The following TOPBP1 variants were observed in gnomAD, a reference collection of about 807,000 sequenced individuals.
TOPBP1 encodes the protein DNA topoisomerase 2-binding protein 1.
TOPBP1 carries 28 observed loss-of-function variants against 167.7 expected under a neutral mutation model. That is an observed-to-expected ratio of 0.17 (90% CI 0.12 to 0.23). TOPBP1 has a LOEUF of 0.23. TOPBP1 is among the 10% of genes least tolerant of loss of function. The pLI is 1.00. For missense variants in TOPBP1, 1,554 were observed against 1,809.6 expected (o/e 0.86, Z 2.56); for synonymous variants, 598 against 611.4 (o/e 0.98, Z 0.32).
chr3:133,630,497 C>T (rs879387936), intron 14 of TOPBP1, among the ~76,000 whole-genome samples: 4 of 151,878 alleles, frequency 2.6e-5, no homozygotes, highest in Admixed American at 2.0e-4. Flanking sequence ...AGGGTCTTGC[C>T]GTCTTTCCCA....
chr3:133,605,198 C>CA lies in TOPBP1; in HGVS notation c.4425+3336dup, dbSNP rs76623187. Among the ~76,000 whole-genome samples the CA allele has an allele frequency of 2.7e-3, 286 of 104,588 alleles. 2 individuals carry two copies. The highest frequency in any genetic ancestry group is 3.6e-3 in the South Asian group (11 of 3,034). 68.6% of individuals were successfully genotyped at this position (104,588 alleles called of 152,430 possible). ...TGGGCAACAGAGCCAGACCGTGTCTCAAAAAAAAAAAAAAGAAAACTCCAG... is the reference window on the plus strand; with the variant it reads ...TGGGCAACAGAGCCAGACCGTGTCTCAAAAAAAAAAAAAAAGAAAACTCCAG... On this transcript the variant is annotated intron_variant, in intron 27 of 27. Transcript: ENST00000260810.
At chr3:133,637,005 A>G (rs566238586) in intron 14 of TOPBP1, among the ~76,000 whole-genome samples, 3 of 152,158 alleles carry the variant, frequency 2.0e-5, no homozygotes, top group Non-Finnish European at 4.4e-5. Context: ...ATAAAGGCAT[A>G]AATTAGCTTG....
rs781118733 is a variant in TOPBP1, at chr3:133,617,228, T to C, written c.3691A>G (p.Thr1231Ala). 5.6e-6 allele frequency: 9 copies of C among 1,613,736 alleles called. No individual in the cohort carries two copies. The highest frequency in any genetic ancestry group is 1.7e-5 in the Admixed American group (1 of 59,946). ...AAGGCAATACTGGGGGCTTGAGGCG[T>C]AGGGATCAGGTGGCTGTCTTTTATG... ...TPIKDSHLIP[T>A]PQAPSIAFPL... is the part of the protein sequence containing the mutation. Residue 1231 changes from threonine to alanine, a missense_variant, in exon 22 of 28, where the codon ACG becomes GCG. By Grantham distance (58) the Thr-to-Ala change is moderately conservative. Around this residue, in one of 3 missense-constraint regions of TOPBP1, gnomAD observed 351 missense variants for 432.9 expected, o/e 0.81. Transcript: ENST00000260810.
chr3:133,656,776 C>T lies in TOPBP1; in HGVS notation c.445G>A (p.Gly149Arg). 6.2e-7 allele frequency: 1 copy of T among 1,613,084 alleles called. No homozygotes were observed. Among genetic ancestry groups the T allele is most frequent in the Non-Finnish European group, 8.5e-7 (1 of 1,179,586 alleles). Residue 149 changes from glycine to arginine, a missense_variant, in exon 5 of 28, where the codon GGA becomes AGA. Physicochemically the swap from Gly to Arg is moderately radical, Grantham distance 125. This residue lies in a region of TOPBP1 where 1,197 missense variants were observed against 1,351.5 expected (regional missense o/e 0.89). Transcript: ENST00000260810. Reference sequence around the variant, plus strand: ...AAATATTTTTTGCTACCAACTTCTCCTGCAATAAGGTGAGTTACTGATACA... The same window carrying T: ...AAATATTTTTTGCTACCAACTTCTCTTGCAATAAGGTGAGTTACTGATACA... Reference protein sequence around the residue: ...LNVSVTHLIAGEVGSKKYLVA... With the variant: ...LNVSVTHLIAREVGSKKYLVA...
intron 10 of TOPBP1, among the ~76,000 whole-genome samples, chr3:133,648,798 CAAAAA>C (rs562888192): frequency 5.3e-5 from 7 of 132,706 alleles, no homozygotes; most frequent in Non-Finnish European, 9.8e-5. Context: ...AATCCTGCTT[CAAAAA>C]AAAAAAAAGT....
chr3:133,652,403 T>C, intron 8 of TOPBP1, 60 bp downstream of exon 8: 1 of 1,573,566 alleles, frequency 6.4e-7, no homozygotes, highest in Non-Finnish European at 8.6e-7. Context: ...GTCTTCAAAG[T>C]CAGGCTAGGA....
chr3:133,642,219 A>C (rs940564967), intron 12 of TOPBP1, among the ~76,000 whole-genome samples: 5 of 151,446 alleles, frequency 3.3e-5, no homozygotes, highest in Non-Finnish European at 7.4e-5. Flanking sequence ...CTGGTCTTGA[A>C]CTCCTGAGCT....
chr3:133,617,790 G>GA (rs1005948471), intron 21 of TOPBP1, among the ~76,000 whole-genome samples: 1 of 151,390 alleles, frequency 6.6e-6, no homozygotes, highest in East Asian at 1.9e-4. Context: ...GCTCAAGGAA[G>GA]AAAAAAAATA....
intron 16 of TOPBP1, among the ~76,000 whole-genome samples, chr3:133,627,020 T>A (rs551647030): frequency 6.6e-6 from 1 of 152,194 alleles, no homozygotes; most frequent in Admixed American, 6.5e-5. Context: ...AAGGGAACAT[T>A]TGGAACAACT....
chr3:133,630,193 T>C (rs1935423040), intron 14 of TOPBP1, among the ~76,000 whole-genome samples: 1 of 152,186 alleles, frequency 6.6e-6, no homozygotes, highest in East Asian at 1.9e-4. Flanking sequence ...CTTGTATGAA[T>C]ATACTTTTAT....
At chr3:133,620,578 T>A (rs1056830991) in intron 19 of TOPBP1, among the ~76,000 whole-genome samples, 1 of 121,356 alleles carries the variant, frequency 8.2e-6, no homozygotes, top group Non-Finnish European at 1.8e-5. Flanking sequence ...TTCAAATACT[T>A]TTTTTTTTTT....
intron 8 of TOPBP1, among the ~76,000 whole-genome samples, chr3:133,650,361 GT>G (rs1478202951): frequency 3.3e-4 from 37 of 111,036 alleles, no homozygotes; most frequent in Admixed American, 2.9e-3. Flanking sequence ...AATTGTGTGT[GT>G]GTGGGGGGCG....
In TOPBP1 at chr3:133,628,316, T is replaced by C. The variant is rs767413789; in HGVS notation, c.2804+46A>G. 16 of 1,512,964 alleles carry C rather than the reference T, an allele frequency of 1.1e-5. No homozygotes were observed. In the South Asian group the frequency reaches 1.4e-4, roughly 14 times the overall value. The allele number at this position is 1,512,964 out of a possible 1,614,324, so 93.7% of individuals were successfully genotyped here. On this transcript the variant is annotated intron_variant, in intron 16 of 27. Coordinates refer to ENST00000260810, the MANE Select transcript of TOPBP1 (RefSeq NM_007027.4). Reference sequence around the variant, plus strand: ...CTCACAATAGCTTTAGGTTTCCTTATAAATTTCAGTCATATCACCATGAAA... The same window carrying C: ...CTCACAATAGCTTTAGGTTTCCTTACAAATTTCAGTCATATCACCATGAAA...
intron 14 of TOPBP1, among the ~76,000 whole-genome samples, chr3:133,633,913 G>GC (rs1935578632): frequency 6.6e-6 from 1 of 152,084 alleles, no homozygotes; most frequent in Non-Finnish European, 1.5e-5. Context: ...TTTATCTCCA[G>GC]CCCAAACCAT....
rs377670848 is a variant in TOPBP1, at chr3:133,621,675, G to T, written c.3179-1328C>A. Among the ~76,000 whole-genome samples the T allele has an allele frequency of 5.3e-5, 8 of 152,246 alleles. 1 individual carries two copies. The highest frequency in any genetic ancestry group is 1.9e-4 in the East Asian group (1 of 5,186). ...ATGGATACCAAGGGACAAGACAACT[G>T]TATTTACCTTTGGTTTTCTTTAAAG... On this transcript the variant is annotated intron_variant, in intron 19 of 27. Transcript: ENST00000260810.
Position 133,601,351 on chromosome 3 carries a change from T to A in TOPBP1, c.4468A>T (p.Ile1490Phe), listed in dbSNP as rs749882525. 1 of 1,576,160 alleles carries A rather than the reference T, an allele frequency of 6.3e-7. No individual in the cohort carries two copies. The highest frequency in any genetic ancestry group is 8.6e-7 in the Non-Finnish European group (1 of 1,161,304). Residue 1490 changes from isoleucine to phenylalanine, a missense_variant, in exon 28 of 28, where the codon ATT becomes TTT. By Grantham distance (21) the Ile-to-Phe change is conservative. This residue lies in a region of TOPBP1 where 351 missense variants were observed against 432.9 expected (regional missense o/e 0.81). Transcript: ENST00000260810. ...HVENYCLPEA[I>F]SFIQNNKELG... Reference sequence around the variant, plus strand: ...TCCTTATTATTCTGAATAAATGAAATAGCTTCTGGTAGACAGTAATTTTCT... The same window carrying A: ...TCCTTATTATTCTGAATAAATGAAAAAGCTTCTGGTAGACAGTAATTTTCT...
rs1936532569 is a variant in TOPBP1, at chr3:133,657,879, G to C, written c.282C>G (p.Val94=). ...TATAAACTGGATGTTCGGCTCTTGG[G>C]ACACATCGCTGGTGGTGCATACAAA... The part of the protein sequence containing the change: ...VIFCMHHQRC[V]PRAEHPVYNM... The change falls in exon 4 of 28, where the codon GTC becomes GTG. Residue 94 remains valine, a synonymous_variant. Coordinates refer to ENST00000260810, the MANE Select transcript of TOPBP1 (RefSeq NM_007027.4). 1 of 1,600,870 alleles carries C rather than the reference G, an allele frequency of 6.2e-7. No individual in the cohort carries two copies. Among genetic ancestry groups the C allele is most frequent in the Middle Eastern group, 1.7e-4 (1 of 6,016 alleles).
intron 19 of TOPBP1, among the ~76,000 whole-genome samples, chr3:133,621,971 A>C (rs1174292357): frequency 2.6e-5 from 4 of 151,994 alleles, no homozygotes; most frequent in Admixed American, 2.6e-4. Flanking sequence ...CAGTTGCCCA[A>C]AAAGAAAGAA....
rs1482256974 is a variant in TOPBP1, at chr3:133,603,705, C to T, written c.4426-2312G>A. 1.3e-5 allele frequency among the ~76,000 whole-genome samples: 2 copies of T among 148,834 alleles called. 1 individual carries two copies. Among genetic ancestry groups the T allele is most frequent in the Admixed American group, 1.3e-4 (2 of 14,946 alleles). On this transcript the variant is annotated intron_variant, in intron 27 of 27. Coordinates refer to ENST00000260810, the MANE Select transcript of TOPBP1 (RefSeq NM_007027.4). ...TTGAAATAAATGGGGTAAAAGCTGA[C>T]AAAATTAAAGAGAAAAAACAGACAA...
Sources: gnomAD v4.1 joint callset for allele counts (sites outside exome capture counted in the v4.1 genomes callset) on GRCh38, gnomAD v4.1.1 for gene constraint, gnomAD v4.1.1 regional missense constraint, MANE v1.5 for transcripts, NCBI Gene and HGNC (gene_info 2026-07-23, HGNC 2026-07-21) for gene names.